CSMD2: variants seen among roughly 807,000 people sequenced by gnomAD.
CSMD2 encodes the protein CUB and Sushi multiple domains 2, also known as CUB and sushi domain-containing protein 2.
A neutral mutation model predicts 398.5 loss-of-function variants in CSMD2; 130 were observed. That is an observed-to-expected ratio of 0.33 (90% confidence interval 0.28 to 0.38). CSMD2 has a LOEUF of 0.38. Among genes scored for constraint, CSMD2 ranks in the 10% least tolerant of loss-of-function variants. The probability of loss-of-function intolerance (pLI) is 1.00; values close to 1 mark genes in which losing one functional copy is unlikely to be tolerated. For missense variants in CSMD2, 3,829 were observed against 4,764.9 expected, an observed-to-expected ratio of 0.80 and a Z score of 5.78; for synonymous variants, 1,828 against 1,908.5, an observed-to-expected ratio of 0.96 and a Z score of 1.10.
intron 4 of CSMD2, among the ~76,000 whole-genome samples, chr1:33,926,564 C>A (rs1644133761): frequency 6.6e-6 from 1 of 152,312 alleles, no homozygotes; most frequent in Admixed American, 6.5e-5. Flanking sequence ...ATTGAAGATC[C>A]TGCAAAAGCT....
At chr1:34,059,193 T>C (rs1468277941) in intron 2 of CSMD2, among the ~76,000 whole-genome samples, 3 of 152,148 alleles carry the variant, frequency 2.0e-5, no homozygotes, top group Admixed American at 6.5e-5. Flanking sequence ...CTGCTACACA[T>C]GCAAAAGGAT....
rs901433227 is a variant in CSMD2, at chr1:33,518,329, A to G, written c.*53+1136T>C. On this transcript the variant is annotated intron_variant, in intron 70 of 70. Coordinates refer to ENST00000373381, the MANE Select transcript of CSMD2 (RefSeq NM_001281956.2). This position sits in a 1 kb window ranked among gnomAD's most constrained non-coding sequence, Gnocchi z 4.3. ...CAGTGAGGAAGAGGCAGTGCCTTTT[A>G]GATTCATCAGTTCCTTCCCAGTGGG... 6.6e-6 allele frequency among the ~76,000 whole-genome samples: 1 copy of G among 152,156 alleles called. No individual in the cohort carries two copies. Among genetic ancestry groups the G allele is most frequent in the Non-Finnish European group, 1.5e-5 (1 of 68,034 alleles).
chr1:34,091,665 A>C (rs1319358596), intron 1 of CSMD2, among the ~76,000 whole-genome samples: 1 of 152,228 alleles, frequency 6.6e-6, no homozygotes, highest in East Asian at 1.9e-4. Context: ...AAAAATGTTA[A>C]GGTCTTCTGA....
chr1:33,525,537 A>C (rs1654692437), intron 65 of CSMD2, among the ~76,000 whole-genome samples: 1 of 152,216 alleles, frequency 6.6e-6, no homozygotes, highest in African/African-American at 2.4e-5. Context: ...TGATGGTTAC[A>C]GAGGCTGGGG....
At chr1:33,622,899 A>T (rs1339384523) in intron 36 of CSMD2, among the ~76,000 whole-genome samples, 2 of 152,276 alleles carry the variant, frequency 1.3e-5, no homozygotes, top group Non-Finnish European at 2.9e-5. Context: ...TATTCATAAC[A>T]GCACAAAAGT....
chr1:33,843,884 G>GCCTT (rs1169407894), intron 6 of CSMD2, among the ~76,000 whole-genome samples: 4 of 152,106 alleles, frequency 2.6e-5, no homozygotes, highest in Admixed American at 6.5e-5. Context: ...GTCTGCCAAG[G>GCCTT]GGCAGACCTC....
chr1:33,883,921 G>A (rs1226913031), intron 5 of CSMD2, among the ~76,000 whole-genome samples: 1 of 152,166 alleles, frequency 6.6e-6, no homozygotes, highest in Non-Finnish European at 1.5e-5. Context: ...CTAGAAGGAG[G>A]ATGAGCTGGG....
At chr1:33,523,442 T>A in intron 66 of CSMD2, 23 bp from the exon 67 acceptor site, 3 of 1,098,620 alleles carry the variant, frequency 2.7e-6, no homozygotes, top group East Asian at 2.5e-5. Context: ...GTTCAGGTGT[T>A]ACACATGAAA....
At chr1:33,714,509 G>T in intron 21 of CSMD2, 78 bp downstream of exon 21, 3 of 1,508,906 alleles carry the variant, frequency 2.0e-6, no homozygotes, top group Non-Finnish European at 2.7e-6. Context: ...CCTGTGTGCC[G>T]TCCACCACCT....
At chr1:33,618,280 C>G (rs1440363639) in intron 37 of CSMD2, among the ~76,000 whole-genome samples, 1 of 152,028 alleles carries the variant, frequency 6.6e-6, no homozygotes, top group Non-Finnish European at 1.5e-5. Context: ...GAGCACTGGC[C>G]CCGCTAAAAC....
intron 6 of CSMD2, among the ~76,000 whole-genome samples, chr1:33,836,585 G>A (rs6685744): frequency 1.3e-5 from 2 of 152,056 alleles, no homozygotes; most frequent in Admixed American, 6.5e-5. Context: ...CCCTAGCCTC[G>A]CTGCCACCTT....
chr1:34,076,598 C>G (rs1656359204), intron 2 of CSMD2, among the ~76,000 whole-genome samples: 1 of 80,292 alleles, frequency 1.2e-5, no homozygotes. Flanking sequence ...ACTGCTCTAC[C>G]TCATGATTCA....
intron 25 of CSMD2, among the ~76,000 whole-genome samples, chr1:33,688,739 C>T (rs1645137202): frequency 6.6e-6 from 1 of 152,084 alleles, no homozygotes; most frequent in Non-Finnish European, 1.5e-5. Context: ...CTGCTTGAAC[C>T]TGGAAGGTAG....
chr1:34,095,881 AAAG>A (rs1659236539), intron 1 of CSMD2, among the ~76,000 whole-genome samples: 1 of 152,044 alleles, frequency 6.6e-6, no homozygotes, highest in South Asian at 2.1e-4. Context: ...ATCAATAGAA[AAAG>A]AAGGAATCCT....
chr1:33,870,307 G>A (rs1430798590), intron 5 of CSMD2: 1 of 152,110 alleles, frequency 6.6e-6, no homozygotes, highest in African/African-American at 2.4e-5. Flanking sequence ...CTAGGAATGG[G>A]GTTGCCTGCC....
At chr1:33,523,223 C>T in intron 67 of CSMD2, 84 bp downstream of exon 67, 1 of 713,408 alleles carries the variant, frequency 1.4e-6, no homozygotes, top group Non-Finnish European at 2.5e-6. Context: ...CAGATTGATC[C>T]TAGGGGTTTG....
At chr1:33,561,686 C>T (rs1658560029) in intron 53 of CSMD2, among the ~76,000 whole-genome samples, 1 of 152,106 alleles carries the variant, frequency 6.6e-6, no homozygotes, top group Admixed American at 6.6e-5. Flanking sequence ...TGGCTTTTAC[C>T]CTCCTCTGGG....
Position 33,519,505 on chromosome 1 carries a change from C to A in CSMD2, c.*13G>T. On this transcript the variant is annotated 3_prime_UTR_variant, in exon 70 of 71. Transcript: ENST00000373381. This position sits in a 1 kb window ranked among gnomAD's most constrained non-coding sequence, Gnocchi z 5.6. ...GGGCTCTCGGTGGCGGTGGTGGCGG[C>A]CAGGCCGGGTGGCTATACTGCTGTG... is the stretch of plus-strand genomic sequence containing the variant. 2.5e-6 allele frequency: 4 copies of A among 1,606,564 alleles called. No individual in the cohort carries two copies. In the South Asian group the frequency reaches 4.4e-5, roughly 18 times the overall value.
At chr1:33,522,640 C>T (rs1654417439) in intron 67 of CSMD2, among the ~76,000 whole-genome samples, 1 of 152,222 alleles carries the variant, frequency 6.6e-6, no homozygotes, top group Admixed American at 6.5e-5. Context: ...TAGCTCTCTG[C>T]TACTCTGGTC....
Sources: allele counts gnomAD v4.1 joint callset (sites outside exome capture counted in the v4.1 genomes callset), GRCh38; gene constraint gnomAD v4.1.1; non-coding constraint Gnocchi (gnomAD v3.1); transcripts MANE v1.5; gene names NCBI Gene and HGNC (gene_info 2026-07-23, HGNC 2026-07-21).